Variants in AMOTL1 observed in about 807,000 individuals in gnomAD.
The protein encoded by AMOTL1 is angiomotin-like protein 1.
AMOTL1 carries 45 observed loss-of-function variants against 102.9 expected under a neutral mutation model. That is an observed-to-expected ratio of 0.44 (90% confidence interval 0.34 to 0.56). The LOEUF (loss-of-function observed/expected upper bound fraction) is 0.56, where lower values mean the gene tolerates loss of function less well. Ranked by LOEUF, AMOTL1 falls within the 20% of genes least tolerant of loss-of-function variation. The pLI, the probability that AMOTL1 is intolerant of heterozygous loss-of-function variation, is 0.01. For missense variants in AMOTL1, 1,114 were observed against 1,225.6 expected, an observed-to-expected ratio of 0.91 and a Z score of 1.36; for synonymous variants, 481 against 484.7, an observed-to-expected ratio of 0.99 and a Z score of 0.10.
chr11:94,729,877 A>C (rs1950318941), intron 2 of AMOTL1, among the ~76,000 whole-genome samples: 1 of 152,334 alleles, frequency 6.6e-6, no homozygotes, highest in African/African-American at 2.4e-5. Context: ...CATAGAGAAC[A>C]ACAGACTATA....
chr11:94,783,594 G>A (rs1254180336), intron 1 of AMOTL1, among the ~76,000 whole-genome samples: 1 of 152,190 alleles, frequency 6.6e-6, no homozygotes, highest in Non-Finnish European at 1.5e-5. Context: ...GGAGAAAGAA[G>A]TAGGTATAGC....
intron 2 of AMOTL1, chr11:94,796,864 G>A (rs4753148): frequency 0.99 from 408,972 of 411,652 alleles, 203,154 homozygotes; most frequent in Middle Eastern, 1. Flanking sequence ...AATGGCATAT[G>A]TCTATTTACA....
intron 3 of AMOTL1, among the ~76,000 whole-genome samples, chr11:94,810,613 CAG>C (rs1210527918): frequency 6.6e-6 from 1 of 150,958 alleles, no homozygotes; most frequent in African/African-American, 2.4e-5. Flanking sequence ...TAAGGAAAAA[CAG>C]AGGTTTCTCC....
intron 3 of AMOTL1, among the ~76,000 whole-genome samples, chr11:94,802,180 G>A (rs1951490897): frequency 6.6e-6 from 1 of 152,180 alleles, no homozygotes; most frequent in African/African-American, 2.4e-5. Flanking sequence ...ACTCCTCCCA[G>A]GAATCCAAGA....
chr11:94,740,981 C>A (rs1308001688), exon 3 of AMOTL1: 1 of 1,288,938 alleles, frequency 7.8e-7, no homozygotes, highest in Non-Finnish European at 1.0e-6. Flanking sequence ...ACAGCCCAGA[C>A]GAGTTAGGTA....
At chr11:94,707,084 C>T (rs1171750889) in intron 1 of AMOTL1, among the ~76,000 whole-genome samples, 1 of 152,048 alleles carries the variant, frequency 6.6e-6, no homozygotes, top group Non-Finnish European at 1.5e-5. Flanking sequence ...AAAAAAGGGG[C>T]CCAGGATGCC....
At chr11:94,852,443 G>A (rs1350845316) in intron 7 of AMOTL1, among the ~76,000 whole-genome samples, 1 of 152,206 alleles carries the variant, frequency 6.6e-6, no homozygotes, top group Non-Finnish European at 1.5e-5. Context: ...ACACCCAGGT[G>A]CGGAATGACA....
intron 6 of AMOTL1, among the ~76,000 whole-genome samples, chr11:94,833,548 T>C (rs1464193076): frequency 6.6e-6 from 1 of 152,266 alleles, no homozygotes; most frequent in East Asian, 1.9e-4. Context: ...TTTTCTGTCC[T>C]GCTTAGAAAT....
chr11:94,820,213 A>T (rs1022801099), intron 3 of AMOTL1: 3 of 151,914 alleles, frequency 2.0e-5, no homozygotes, highest in Non-Finnish European at 4.4e-5. Context: ...TACAAAATGA[A>T]TCCCAATTTC....
At chr11:94,723,427 C>T (rs1030467100) in intron 1 of AMOTL1, among the ~76,000 whole-genome samples, 4 of 152,124 alleles carry the variant, frequency 2.6e-5, no homozygotes, top group South Asian at 2.1e-4. Flanking sequence ...CAAAGGACCA[C>T]ATAATTTTAA....
chr11:94,870,273 G>A lies in AMOTL1; in HGVS notation c.2765-416G>A, dbSNP rs144557343. On this transcript the variant is annotated intron_variant, in intron 12 of 12. Coordinates refer to ENST00000433060, the MANE Select transcript of AMOTL1 (RefSeq NM_130847.3). ...AGGCTCTGTGGGCCCTAAGTTAACT[G>A]TTTCCTCCAAGGGGGTTGTTTATTT... 1.4e-3 allele frequency among the ~76,000 whole-genome samples: 218 copies of A among 152,302 alleles called. 1 individual carries two copies. Among genetic ancestry groups the A allele is most frequent in the African/African-American group, 5.0e-3 (206 of 41,566 alleles).
At chr11:94,821,843 T>A in intron 4 of AMOTL1, 22 bp downstream of exon 4, 3 of 1,607,316 alleles carry the variant, frequency 1.9e-6, no homozygotes, top group Non-Finnish European at 2.6e-6. Context: ...CCCTGGGGAA[T>A]GGGAGGGAGA....
At chr11:94,749,262 C>G (rs575716061) in intron 3 of AMOTL1, among the ~76,000 whole-genome samples, 4 of 152,322 alleles carry the variant, frequency 2.6e-5, no homozygotes, top group Admixed American at 6.5e-5. Flanking sequence ...GTTCAAAACC[C>G]AAACAACCTG....
chr11:94,720,754 C>T (rs374951781), intron 1 of AMOTL1, among the ~76,000 whole-genome samples: 14 of 152,146 alleles, frequency 9.2e-5, no homozygotes, highest in Admixed American at 4.6e-4. Flanking sequence ...ATTTTCCACA[C>T]GAGGTGACTA....
At chr11:94,840,461 C>T (rs1032935257) in intron 6 of AMOTL1, among the ~76,000 whole-genome samples, 18 of 151,896 alleles carry the variant, frequency 1.2e-4, no homozygotes, top group Non-Finnish European at 2.2e-4. Flanking sequence ...GCAAAAATGA[C>T]AGTGGGAGGG....
intron 7 of AMOTL1, among the ~76,000 whole-genome samples, chr11:94,853,234 C>A (rs915801257): frequency 5.3e-5 from 8 of 152,048 alleles, no homozygotes; most frequent in Non-Finnish European, 1.0e-4. Context: ...CTGCACCTAC[C>A]AACCCATCAT....
chr11:94,853,060 AT>A (rs1952578736), intron 7 of AMOTL1, among the ~76,000 whole-genome samples: 2 of 151,982 alleles, frequency 1.3e-5, no homozygotes, highest in Admixed American at 1.3e-4. Context: ...TTGATTCTGG[AT>A]TTTTCACTTG....
chr11:94,754,981 A>T (rs1298442514), intron 3 of AMOTL1, among the ~76,000 whole-genome samples: 4 of 152,176 alleles, frequency 2.6e-5, no homozygotes, highest in African/African-American at 9.7e-5. Flanking sequence ...TGCTCTTTGC[A>T]TTGGATTTTG....
chr11:94,734,179 C>T (rs1406776904), intron 2 of AMOTL1, among the ~76,000 whole-genome samples: 1 of 152,178 alleles, frequency 6.6e-6, no homozygotes, highest in Non-Finnish European at 1.5e-5. Context: ...CTCTTGGTCG[C>T]TGGCCTTGAG....
Sources: allele counts gnomAD v4.1 joint callset (sites outside exome capture counted in the v4.1 genomes callset), GRCh38; gene constraint gnomAD v4.1.1; transcripts MANE v1.5; gene names NCBI Gene and HGNC (gene_info 2026-07-23, HGNC 2026-07-21).